Variants in SPOCK1 observed in about 807,000 individuals in gnomAD.
SPOCK1 encodes SPARC (osteonectin), cwcv and kazal like domains proteoglycan 1.
In SPOCK1, 23 loss-of-function variants were observed where a neutral mutation model predicts 55.3. The ratio of observed to expected loss-of-function variants is 0.42; its 90% CI spans 0.30 to 0.59. The LOEUF (loss-of-function observed/expected upper bound fraction) is 0.59, where lower values mean the gene tolerates loss of function less well. SPOCK1 is among the 20% of genes least tolerant of loss of function. SPOCK1 has a pLI of 0.22. For synonymous variants in SPOCK1, 226 were observed against 221.0 expected (o/e 1.02, Z -0.20); for missense variants, 499 against 552.5 (o/e 0.90, Z 0.97).
intron 2 of SPOCK1, among the ~76,000 whole-genome samples, chr5:137,349,011 G>A (rs1243684530): frequency 1.3e-5 from 2 of 152,084 alleles, no homozygotes; most frequent in Non-Finnish European, 2.9e-5. Context: ...CAACACACTG[G>A]TGCTGCTCTT....
intron 5 of SPOCK1, among the ~76,000 whole-genome samples, chr5:137,101,493 G>C (rs1239969695): frequency 6.6e-6 from 1 of 152,162 alleles, no homozygotes; most frequent in Non-Finnish European, 1.5e-5. Flanking sequence ...TCTACTCAGG[G>C]CATTTGAGAA....
chr5:137,462,929 G>A (rs1030790137), intron 2 of SPOCK1, among the ~76,000 whole-genome samples: 1 of 152,140 alleles, frequency 6.6e-6, no homozygotes, highest in Non-Finnish European at 1.5e-5. Context: ...TTCAACAAGT[G>A]CTGATAGTTT....
chr5:137,412,731 CT>C (rs909309801), intron 2 of SPOCK1, among the ~76,000 whole-genome samples: 2 of 152,232 alleles, frequency 1.3e-5, no homozygotes, highest in African/African-American at 4.8e-5. Flanking sequence ...AAGGCAGGGA[CT>C]GTGTTGCCCT....
At chr5:137,405,587 C>T (rs1403426315) in intron 2 of SPOCK1, among the ~76,000 whole-genome samples, 1 of 152,166 alleles carries the variant, frequency 6.6e-6, no homozygotes, top group Non-Finnish European at 1.5e-5. Flanking sequence ...CCATAGAGGG[C>T]TCTTCCTGTT....
chr5:137,092,805 G>T (rs10068741), intron 5 of SPOCK1, among the ~76,000 whole-genome samples: 47,863 of 152,050 alleles, frequency 0.31, 7,743 homozygotes, highest in African/African-American at 0.36. Context: ...TAGTCCATTT[G>T]CTGTTGCTGA....
chr5:137,036,834 A>G (rs563333800), intron 6 of SPOCK1, among the ~76,000 whole-genome samples: 2 of 152,306 alleles, frequency 1.3e-5, no homozygotes, highest in East Asian at 3.9e-4. Context: ...AGACATTTAA[A>G]GTGCTATTGA....
At chr5:137,233,179 T>A (rs546774394) in intron 3 of SPOCK1, among the ~76,000 whole-genome samples, 1 of 152,192 alleles carries the variant, frequency 6.6e-6, no homozygotes, top group African/African-American at 2.4e-5. Flanking sequence ...TTCAGGATGA[T>A]TCAAGTACAT....
intron 2 of SPOCK1, among the ~76,000 whole-genome samples, chr5:137,295,616 C>G (rs1434859942): frequency 6.6e-6 from 1 of 152,050 alleles, no homozygotes; most frequent in Non-Finnish European, 1.5e-5. Flanking sequence ...GTGACTTTTT[C>G]CCCCAGTACA....
At chr5:137,227,354 G>C (rs1755965063) in intron 3 of SPOCK1, among the ~76,000 whole-genome samples, 1 of 152,170 alleles carries the variant, frequency 6.6e-6, no homozygotes, top group Non-Finnish European at 1.5e-5. Flanking sequence ...CTACGTTCTA[G>C]GTGAGAGTTC....
intron 2 of SPOCK1, among the ~76,000 whole-genome samples, chr5:137,383,359 G>C (rs1402192762): frequency 6.6e-6 from 1 of 152,158 alleles, no homozygotes; most frequent in Non-Finnish European, 1.5e-5. Context: ...AGTATCTACT[G>C]CTGGCCTGAA....
chr5:137,295,283 C>T (rs149784260), intron 2 of SPOCK1, among the ~76,000 whole-genome samples: 44 of 152,356 alleles, frequency 2.9e-4, no homozygotes, highest in African/African-American at 9.4e-4. Flanking sequence ...ACATGCCTTT[C>T]ACATAATGCT....
rs559082738 is a variant in SPOCK1 at position 137,170,640 on chromosome 5, GC to G, written c.233-29947del. 1.2e-3 allele frequency among the ~76,000 whole-genome samples: 180 copies of G among 150,820 alleles called. 1 individual carries two copies. The highest frequency in any genetic ancestry group is 2.6e-3 in the Admixed American group (40 of 15,118). ...CTCTCTCTGTGGACACTAACAGAAG[GC>G]CATGTGTAAACACTGTAAGAAGGCA... is the stretch of plus-strand genomic sequence containing the variant. On this transcript the variant is annotated intron_variant, in intron 3 of 10. Coordinates refer to ENST00000394945, the MANE Select transcript of SPOCK1 (RefSeq NM_004598.4).
chr5:137,221,182 T>G (rs1419755613), intron 3 of SPOCK1, among the ~76,000 whole-genome samples: 1 of 152,222 alleles, frequency 6.6e-6, no homozygotes. Context: ...ATTTCCATTT[T>G]AAATGTCTGA....
intron 2 of SPOCK1, among the ~76,000 whole-genome samples, chr5:137,275,989 C>T (rs1227609170): frequency 1.3e-5 from 2 of 152,192 alleles, no homozygotes; most frequent in African/African-American, 4.8e-5. Context: ...TGAGCCCTGC[C>T]CAGGCTGTTC....
intron 4 of SPOCK1, among the ~76,000 whole-genome samples, chr5:137,120,894 G>A (rs1753671818): frequency 6.6e-6 from 1 of 152,206 alleles, no homozygotes; most frequent in African/African-American, 2.4e-5. Flanking sequence ...CCAAGTGCAG[G>A]AAGGAGGCTG....
At chr5:137,041,527 C>T (rs1237907229) in intron 6 of SPOCK1, among the ~76,000 whole-genome samples, 4 of 152,194 alleles carry the variant, frequency 2.6e-5, no homozygotes, top group Non-Finnish European at 5.9e-5. Context: ...AACCAAAAAG[C>T]AAGCCACAAC....
chr5:137,376,549 G>A (rs1751322789), intron 2 of SPOCK1, among the ~76,000 whole-genome samples: 1 of 152,122 alleles, frequency 6.6e-6, no homozygotes, highest in Non-Finnish European at 1.5e-5. Flanking sequence ...GGCAGAGGGG[G>A]GCCTTTTAAA....
chr5:137,384,827 G>C (rs577641134), intron 2 of SPOCK1, among the ~76,000 whole-genome samples: 3 of 152,042 alleles, frequency 2.0e-5, no homozygotes, highest in African/African-American at 7.2e-5. Flanking sequence ...TGGATTTAGT[G>C]TCCACCCTAA....
intron 9 of SPOCK1, among the ~76,000 whole-genome samples, chr5:136,983,768 T>G (rs1750783261): frequency 6.6e-6 from 1 of 152,200 alleles, no homozygotes; most frequent in South Asian, 2.1e-4. Context: ...AAAGAATTTG[T>G]AAGCAAATGG....
Sources: allele counts gnomAD v4.1 joint callset (sites outside exome capture counted in the v4.1 genomes callset), GRCh38; gene constraint gnomAD v4.1.1; transcripts MANE v1.5; gene names NCBI Gene and HGNC (gene_info 2026-07-23, HGNC 2026-07-21).